Variants in AFDN observed in about 807,000 individuals in gnomAD.
AFDN encodes afadin.
AFDN carries 68 observed loss-of-function variants against 216.6 expected under a neutral mutation model. The ratio of observed to expected loss-of-function variants is 0.31; its 90% CI spans 0.26 to 0.38. The LOEUF (loss-of-function observed/expected upper bound fraction) is 0.38, where lower values mean the gene tolerates loss of function less well. Among genes scored for constraint, AFDN ranks in the 10% least tolerant of loss-of-function variants. The probability of loss-of-function intolerance (pLI) is 1.00; values close to 1 mark genes in which losing one functional copy is unlikely to be tolerated. For synonymous variants in AFDN, 868 were observed against 853.7 expected (o/e 1.02, Z -0.29); for missense variants, 2,136 against 2,342.0 (o/e 0.91, Z 1.82).
chr6:167,874,702 G>A (rs940101568), intron 4 of AFDN, among the ~76,000 whole-genome samples: 7 of 143,144 alleles, frequency 4.9e-5, no homozygotes, highest in African/African-American at 1.0e-4. Flanking sequence ...TGCAACCTCC[G>A]CCTCCTGAGT....
intron 1 of AFDN, among the ~76,000 whole-genome samples, chr6:167,848,544 G>A (rs1478963474): frequency 1.4e-4 from 22 of 152,076 alleles, no homozygotes; most frequent in Non-Finnish European, 3.2e-4. Flanking sequence ...TGGATTTAAT[G>A]AACAGTCTTG....
chr6:167,950,299 A>G (rs781270233), intron 29 of AFDN, among the ~76,000 whole-genome samples: 5 of 152,168 alleles, frequency 3.3e-5, no homozygotes, highest in Non-Finnish European at 5.9e-5. Context: ...TTCAGACCTC[A>G]TAGTGATCAT....
chr6:167,907,295 A>G lies in AFDN; in HGVS notation c.1769+6A>G. On this transcript the variant is annotated splice_donor_region_variant and intron_variant, in intron 13 of 33. Coordinates refer to ENST00000683244, the MANE Select transcript of AFDN (RefSeq NM_001386888.1). ...TATCGCAGGCAAGAAAGCAGGTAGG[A>G]AACACATCATTTTTCAATGGTGAAA... 1 of 1,605,162 alleles carries G rather than the reference A, an allele frequency of 6.2e-7. No homozygotes were observed. Among genetic ancestry groups the G allele is most frequent in the Admixed American group, 1.7e-5 (1 of 59,952 alleles).
At chr6:167,920,677 C>T (rs1191478514) in intron 21 of AFDN, among the ~76,000 whole-genome samples, 1 of 152,182 alleles carries the variant, frequency 6.6e-6, no homozygotes, top group African/African-American at 2.4e-5. Flanking sequence ...TTGAGCATGA[C>T]ATCATCTTCC....
At chr6:167,872,460 A>G (rs1232983281) in intron 4 of AFDN, 83 bp downstream of exon 4, 6 of 1,420,298 alleles carry the variant, frequency 4.2e-6, no homozygotes, top group Admixed American at 2.1e-5. Context: ...AAATTTTCAG[A>G]TAAATTATGG....
chr6:167,902,172 C>A, intron 11 of AFDN, 145 bp from the exon 12 acceptor site: 5 of 458,476 alleles, frequency 1.1e-5, no homozygotes, highest in Admixed American at 3.6e-5. Context: ...TTTTTTAATT[C>A]TGTAAGTTCG....
intron 32 of AFDN, chr6:167,966,330 C>A: frequency 7.4e-7 from 1 of 1,353,864 alleles, no homozygotes; most frequent in Non-Finnish European, 9.7e-7. Context: ...ACCTCAGCAT[C>A]TCTCTGCACA....
intron 5 of AFDN, among the ~76,000 whole-genome samples, chr6:167,877,058 A>G (rs17165149): frequency 0.53 from 80,466 of 151,966 alleles, 22,008 homozygotes; most frequent in African/African-American, 0.59. Context: ...TGGCCATATA[A>G]GGAATAAGGG....
intron 30 of AFDN, among the ~76,000 whole-genome samples, chr6:167,959,704 C>T (rs1264029857): frequency 6.6e-6 from 1 of 152,042 alleles, no homozygotes; most frequent in Non-Finnish European, 1.5e-5. Flanking sequence ...TCAACATATA[C>T]ACACACATAT....
At chr6:167,862,299 G>A (rs1339675715) in intron 1 of AFDN, among the ~76,000 whole-genome samples, 1 of 152,138 alleles carries the variant, frequency 6.6e-6, no homozygotes, top group Non-Finnish European at 1.5e-5. Flanking sequence ...GGTGAGCGTG[G>A]CCTGTCATTA....
rs1253395937 is a variant in AFDN at position 167,966,291 on chromosome 6, A to C, written c.5257+246A>C. The C allele has an allele frequency of 5.4e-6, 8 of 1,482,714 alleles. No individual in the cohort carries two copies. In the Admixed American group the frequency reaches 1.5e-4, roughly 27 times the overall value. The allele number at this position is 1,482,714 out of a possible 1,614,324, so 91.8% of individuals were successfully genotyped here. A position where few individuals can be genotyped will look rare whatever the true frequency, so the allele number is the denominator to read the frequency against. ...CAAAGGTAGAGGTAAAAGAGTGACA[A>C]ATCAGCTCTCTTTGTCTTAATGATT... is the stretch of plus-strand genomic sequence containing the variant. On this transcript the variant is annotated intron_variant, in intron 32 of 33. Transcript: ENST00000683244.
intron 1 of AFDN, among the ~76,000 whole-genome samples, chr6:167,839,264 A>G (rs1423412921): frequency 6.6e-6 from 1 of 152,228 alleles, no homozygotes; most frequent in East Asian, 1.9e-4. Flanking sequence ...TATTGTTTTC[A>G]TGAACTGATG....
rs770116061 is a variant in AFDN at position 167,890,850 on chromosome 6, C to G, written c.1010-12C>G. 2 of 1,611,184 alleles carry G rather than the reference C, an allele frequency of 1.2e-6. No individual in the cohort carries two copies. Among genetic ancestry groups the G allele is most frequent in the South Asian group, 1.1e-5 (1 of 90,434 alleles). On this transcript the variant is annotated splice_polypyrimidine_tract_variant and intron_variant, in intron 7 of 33. Transcript: ENST00000683244. ...TGAGTCTGCCTGATGATTTCCCATG[C>G]TGCTGTTCTAGGGATTTTAGTCTTT...
chr6:167,895,748 G>A (rs1032369200), intron 9 of AFDN, among the ~76,000 whole-genome samples: 2 of 152,158 alleles, frequency 1.3e-5, no homozygotes, highest in Admixed American at 6.5e-5. Context: ...ACTGTTTAAC[G>A]TGTGAAACTC....
chr6:167,897,642 C>T lies in AFDN; in HGVS notation c.1318-563C>T, dbSNP rs572058186. ...AATATTGGTTAAGATGACTGTATGC[C>T]TTTTTTTTTTTTTTTTTTTTTTTTT... On this transcript the variant is annotated intron_variant, in intron 10 of 33. Coordinates refer to ENST00000683244, the MANE Select transcript of AFDN (RefSeq NM_001386888.1). Among the ~76,000 whole-genome samples the T allele has an allele frequency of 2.5e-3, 228 of 89,766 alleles. 2 individuals carry two copies. The highest frequency in any genetic ancestry group is 0.011 in the African/African-American group (216 of 19,762). 58.9% of individuals were successfully genotyped at this position (89,766 alleles called of 152,430 possible).
intron 1 of AFDN, among the ~76,000 whole-genome samples, chr6:167,843,942 AACTG>A (rs1225173268): frequency 2.6e-5 from 4 of 152,192 alleles, no homozygotes; most frequent in African/African-American, 4.8e-5. Flanking sequence ...GGTGGGCAGT[AACTG>A]ACCTGTTTTA....
chr6:167,922,821 CT>C (rs775114851), intron 21 of AFDN, 34 bp from the exon 22 acceptor site: 2 of 1,405,156 alleles, frequency 1.4e-6, no homozygotes, highest in Non-Finnish European at 2.0e-6. Flanking sequence ...ACAAGATGTG[CT>C]TTTTCACTTA....
At chr6:167,924,130 T>G (rs1364401920) in intron 22 of AFDN, among the ~76,000 whole-genome samples, 1 of 152,178 alleles carries the variant, frequency 6.6e-6, no homozygotes, top group Non-Finnish European at 1.5e-5. Context: ...TGTCAACTAA[T>G]TTTATTTTCC....
rs765263941 is a variant in AFDN, at chr6:167,898,326, C to T, written c.1439C>T (p.Thr480Ile). ...GTGGAAGGCCAGCGCATCTCAGAAA[C>T]CACCATGCTGCAGAGTGGCATGAAA... is the stretch of plus-strand genomic sequence containing the variant. Reference protein sequence around the residue: ...TYVEGQRISETTMLQSGMKVQ... With the variant: ...TYVEGQRISEITMLQSGMKVQ... The change falls in exon 11 of 34, where the codon ACC (threonine) becomes ATC (isoleucine). Residue 480 changes from threonine to isoleucine, a missense_variant. Transcript: ENST00000683244. The T allele has an allele frequency of 1.5e-5, 25 of 1,614,028 alleles. No homozygotes were observed. The highest frequency in any genetic ancestry group is 1.9e-5 in the Non-Finnish European group (23 of 1,180,030).
Sources: allele counts gnomAD v4.1 joint callset (sites outside exome capture counted in the v4.1 genomes callset), GRCh38; gene constraint gnomAD v4.1.1; transcripts MANE v1.5; gene names NCBI Gene and HGNC (gene_info 2026-07-23, HGNC 2026-07-21).